The following GNAL variants were observed in gnomAD, a reference collection of about 807,000 sequenced individuals.
The protein encoded by GNAL is guanine nucleotide-binding protein G(olf) subunit alpha.
In GNAL, 18 loss-of-function variants were observed where a neutral mutation model predicts 55.1. The observed-to-expected ratio is 0.33, with a 90% CI of 0.23 to 0.48. The LOEUF (loss-of-function observed/expected upper bound fraction) is 0.48, where lower values mean the gene tolerates loss of function less well. GNAL is among the 20% of genes least tolerant of loss of function. GNAL has a pLI of 0.99. For synonymous variants in GNAL, 253 were observed against 237.0 expected, an observed-to-expected ratio of 1.07 and a Z score of -0.62; for missense variants, 412 against 614.1, an observed-to-expected ratio of 0.67 and a Z score of 3.48.
intron 4 of GNAL, among the ~76,000 whole-genome samples, chr18:11,822,070 C>T (rs1222316299): frequency 2.0e-5 from 3 of 152,238 alleles, no homozygotes; most frequent in Non-Finnish European, 4.4e-5. Context: ...GCGTGCAGAG[C>T]GGCGGATGCG....
intron 10 of GNAL, among the ~76,000 whole-genome samples, chr18:11,872,733 TAC>T (rs2036425104): frequency 6.6e-6 from 1 of 152,216 alleles, no homozygotes; most frequent in South Asian, 2.1e-4. Flanking sequence ...TAGTCCTTGA[TAC>T]AGACCTTCTC....
At chr18:11,842,843 A>G (rs2035648780) in intron 5 of GNAL, among the ~76,000 whole-genome samples, 1 of 152,152 alleles carries the variant, frequency 6.6e-6, no homozygotes, top group South Asian at 2.1e-4. Context: ...TACTCATTGT[A>G]AAGTTAGCAC....
At chr18:11,816,659 C>T (rs1012686768) in intron 4 of GNAL, among the ~76,000 whole-genome samples, 1 of 151,462 alleles carries the variant, frequency 6.6e-6, no homozygotes, top group Non-Finnish European at 1.5e-5. Context: ...ACTAAAAATA[C>T]AAAAATTAGC....
At position 11,752,297 on chromosome 18, in the gene GNAL, A is replaced by G; in HGVS notation, c.377-556A>G. 6.9e-7 allele frequency: 1 copy of G among 1,446,242 alleles called. No homozygotes were observed. Among genetic ancestry groups the G allele is most frequent in the Non-Finnish European group, 9.1e-7 (1 of 1,102,950 alleles). The allele number at this position is 1,446,242 out of a possible 1,614,324, so 89.6% of individuals were successfully genotyped here. Reference sequence around the variant, plus strand: ...GAAGAAACGCCTGCTCTGAATCGGAAAACACCGAAGAGACCAGACCATCTC... The same window carrying G: ...GAAGAAACGCCTGCTCTGAATCGGAGAACACCGAAGAGACCAGACCATCTC... On this transcript the variant is annotated intron_variant, in intron 1 of 11. Coordinates refer to ENST00000334049, the MANE Select transcript of GNAL (RefSeq NM_182978.4). This position sits in a 1 kb window ranked among gnomAD's most constrained non-coding sequence, Gnocchi z 4.5.
rs111360185 is a variant in GNAL at position 11,721,579 on chromosome 18, A to G, written c.377-31274A>G. Among the ~76,000 whole-genome samples the G allele has an allele frequency of 9.7e-3, 1,471 of 152,170 alleles. 22 individuals carry two copies. The highest frequency in any genetic ancestry group is 0.033 in the African/African-American group (1,368 of 41,532). On this transcript the variant is annotated intron_variant, in intron 1 of 11. Coordinates refer to ENST00000334049, the MANE Select transcript of GNAL (RefSeq NM_182978.4). ...CAGACCAGACTCGCCAACATGGTGAAACCCCGTCTCTATTAAAAATACAAA... is the reference window on the plus strand; with the variant it reads ...CAGACCAGACTCGCCAACATGGTGAGACCCCGTCTCTATTAAAAATACAAA...
chr18:11,822,089 C>T (rs571119309), intron 4 of GNAL, among the ~76,000 whole-genome samples: 3 of 152,350 alleles, frequency 2.0e-5, no homozygotes, highest in East Asian at 3.9e-4. Context: ...CGTGTGGCAC[C>T]GCAGGCGCGG....
intron 7 of GNAL, among the ~76,000 whole-genome samples, chr18:11,865,619 A>G (rs996310187): frequency 2.0e-5 from 3 of 146,692 alleles, no homozygotes; most frequent in African/African-American, 5.3e-5. Flanking sequence ...GCCAAGCTTG[A>G]TGGCATACAC....
chr18:11,704,620 C>T (rs1403923828), intron 1 of GNAL, among the ~76,000 whole-genome samples: 1 of 152,204 alleles, frequency 6.6e-6, no homozygotes, highest in Non-Finnish European at 1.5e-5. Context: ...ACGCAGCCTA[C>T]TCTGGGGTCT....
Position 11,883,227 on chromosome 18 carries a change from C to T in GNAL, c.*2092C>T, listed in dbSNP as rs1039559709. 2 of 147,324 alleles carry T rather than the reference C, an allele frequency of 1.4e-5. No homozygotes were observed. Among genetic ancestry groups the T allele is most frequent in the African/African-American group, 2.6e-5 (1 of 39,110 alleles). The allele number at this position is 147,324 out of a possible 1,614,324, so 9.1% of individuals were successfully genotyped here. A position where few individuals can be genotyped will look rare whatever the true frequency, so the allele number is the denominator to read the frequency against. The stretch of plus-strand genomic sequence containing the variant: ...ATCTCATCACCGTCTTACTGCCTCC[C>T]CATCCACTGTCTCATAAAGCCCTCA... On this transcript the variant is annotated 3_prime_UTR_variant, in exon 12 of 12. Transcript: ENST00000334049.
chr18:11,786,711 A>G (rs1202906725), intron 4 of GNAL, among the ~76,000 whole-genome samples: 3 of 151,484 alleles, frequency 2.0e-5, no homozygotes, highest in African/African-American at 7.3e-5. Flanking sequence ...TCGGCCTCCC[A>G]AAGTGCTGGG....
At chr18:11,691,961 C>T (rs1408974305) in intron 1 of GNAL, among the ~76,000 whole-genome samples, 2 of 152,100 alleles carry the variant, frequency 1.3e-5, no homozygotes, top group South Asian at 2.1e-4. Context: ...ATAGCAAATA[C>T]GTGTGCTCCT....
Position 11,885,388 on chromosome 18 carries a change from AACAC to A in GNAL, c.*4259_*4262del, listed in dbSNP as rs1159557781. 5.1e-6 allele frequency: 2 copies of A among 390,378 alleles called. No homozygotes were observed. The highest frequency in any genetic ancestry group is 9.3e-6 in the Non-Finnish European group (2 of 215,528). The allele number at this position is 390,378 out of a possible 1,614,324, so 24.2% of individuals were successfully genotyped here. On this transcript the variant is annotated 3_prime_UTR_variant, in exon 12 of 12. Coordinates refer to ENST00000334049, the MANE Select transcript of GNAL (RefSeq NM_182978.4). ...AAATGGTTGTTTCTTTAGAAAATTA[AACAC>A]ACACAGAGTGTAAGAGGAGAGGATA...
In GNAL at chr18:11,885,660, T is replaced by TA; in HGVS notation, c.*4528dup. 1 of 1,602,668 alleles carries TA rather than the reference T, an allele frequency of 6.2e-7. No homozygotes were observed. Among genetic ancestry groups the TA allele is most frequent in the Non-Finnish European group, 8.5e-7 (1 of 1,171,436 alleles). ...ACTTATGAAAGCTTTCAGACAAAAA[T>TA]AAACTTTCACGTTACCATGATGAAA... On this transcript the variant is annotated 3_prime_UTR_variant, in exon 12 of 12. Transcript: ENST00000334049.
At chr18:11,716,071 C>A (rs931142239) in intron 1 of GNAL, among the ~76,000 whole-genome samples, 1 of 152,122 alleles carries the variant, frequency 6.6e-6, no homozygotes, top group Non-Finnish European at 1.5e-5. Flanking sequence ...ATTAGTTTAA[C>A]CATTGTAGAA....
intron 1 of GNAL, among the ~76,000 whole-genome samples, chr18:11,733,343 C>G (rs2032385104): frequency 6.6e-6 from 1 of 152,224 alleles, no homozygotes; most frequent in South Asian, 2.1e-4. Context: ...GCTCTGCCTG[C>G]TGAATGCTGT....
intron 4 of GNAL, among the ~76,000 whole-genome samples, chr18:11,792,822 G>T (rs904351548): frequency 6.6e-6 from 1 of 152,176 alleles, no homozygotes; most frequent in Non-Finnish European, 1.5e-5. Flanking sequence ...TACCAACCTG[G>T]TGACATGGTG....
intron 4 of GNAL, among the ~76,000 whole-genome samples, chr18:11,803,388 T>C (rs981872071): frequency 1.3e-5 from 2 of 152,262 alleles, no homozygotes; most frequent in African/African-American, 4.8e-5. Context: ...TTGTAGCATG[T>C]GTCAGAACTG....
chr18:11,768,913 T>G (rs1370482797), intron 4 of GNAL, among the ~76,000 whole-genome samples: 2 of 132,710 alleles, frequency 1.5e-5, no homozygotes, highest in Non-Finnish European at 3.1e-5. Context: ...AAAAAATATA[T>G]ATATAACATA....
At chr18:11,708,546 A>T (rs1302117647) in intron 1 of GNAL, among the ~76,000 whole-genome samples, 1 of 152,240 alleles carries the variant, frequency 6.6e-6, no homozygotes, top group Non-Finnish European at 1.5e-5. Context: ...CCAAAACGTA[A>T]TACAGAGACA....
Sources: gnomAD v4.1 joint callset for allele counts (sites outside exome capture counted in the v4.1 genomes callset) on GRCh38, gnomAD v4.1.1 for gene constraint, Gnocchi (gnomAD v3.1) non-coding constraint, MANE v1.5 for transcripts, NCBI Gene and HGNC (gene_info 2026-07-23, HGNC 2026-07-21) for gene names.